Variants in SCHIP1 observed in about 807,000 individuals in gnomAD.
The protein encoded by SCHIP1 is schwannomin interacting protein 1, also known as schwannomin-interacting protein 1.
In SCHIP1, 8 loss-of-function variants were observed where a neutral mutation model predicts 29.7. That is an observed-to-expected ratio of 0.27 (90% CI 0.16 to 0.49). The LOEUF is 0.49. Ranked by LOEUF, SCHIP1 falls within the 20% of genes least tolerant of loss-of-function variation. The pLI is 0.99. For missense variants in SCHIP1, 193 were observed against 294.6 expected (o/e 0.66, Z 2.52); for synonymous variants, 76 against 94.9 (o/e 0.80, Z 1.16).
At chr3:159,792,445 T>C in the SCHIP1 span, among the ~76,000 whole-genome samples, 1 of 152,256 alleles carries the variant, frequency 6.6e-6, no homozygotes, top group Non-Finnish European at 1.5e-5. Context: ...TTGACAATTG[T>C]CTGGAACATA....
the SCHIP1 span, among the ~76,000 whole-genome samples, chr3:159,329,304 C>T: frequency 7.2e-5 from 11 of 152,162 alleles, no homozygotes; most frequent in Non-Finnish European, 1.5e-4. Context: ...ATCAACTAAC[C>T]TGTGGGACAG....
the SCHIP1 span, among the ~76,000 whole-genome samples, chr3:159,797,576 CTTT>C: frequency 1.4e-5 from 2 of 145,330 alleles, no homozygotes; most frequent in Admixed American, 6.9e-5. Flanking sequence ...ATTTAAAGAT[CTTT>C]TTTTTTTTTT....
chr3:159,756,344 G>C, the SCHIP1 span, among the ~76,000 whole-genome samples: 1 of 152,216 alleles, frequency 6.6e-6, no homozygotes, highest in Non-Finnish European at 1.5e-5. Flanking sequence ...AAGGCTTGGG[G>C]CTTGCACCCT....
the SCHIP1 span, among the ~76,000 whole-genome samples, chr3:159,607,697 C>A: frequency 4.9e-3 from 751 of 152,220 alleles, 4 homozygotes; most frequent in Non-Finnish European, 8.0e-3. Context: ...GACTGAGCAA[C>A]ATGAGGTGCA....
At chr3:159,430,466 G>T in the SCHIP1 span, among the ~76,000 whole-genome samples, 2 of 152,072 alleles carry the variant, frequency 1.3e-5, no homozygotes, top group African/African-American at 4.8e-5. Context: ...TTCTGCTCTG[G>T]TTCTATGCTC....
chr3:159,313,672 A>G, the SCHIP1 span, among the ~76,000 whole-genome samples: 2 of 152,190 alleles, frequency 1.3e-5, no homozygotes, highest in Non-Finnish European at 2.9e-5. Flanking sequence ...CTGGCATAAT[A>G]TAACTGACCA....
the SCHIP1 span, among the ~76,000 whole-genome samples, chr3:159,474,532 C>T: frequency 1.5e-4 from 23 of 152,174 alleles, no homozygotes; most frequent in South Asian, 3.9e-3. Context: ...CTTATTATTT[C>T]AAAATCTCTC....
the SCHIP1 span, among the ~76,000 whole-genome samples, chr3:159,803,712 G>A: frequency 2.6e-5 from 4 of 152,302 alleles, no homozygotes; most frequent in African/African-American, 9.6e-5. Context: ...TGCACCCAGG[G>A]AAGTGTATGT....
chr3:159,746,869 AC>A, the SCHIP1 span, among the ~76,000 whole-genome samples: 1 of 152,162 alleles, frequency 6.6e-6, no homozygotes, highest in Non-Finnish European at 1.5e-5. Context: ...AACTTCAGCA[AC>A]TTTTGATTAT....
the SCHIP1 span, among the ~76,000 whole-genome samples, chr3:159,427,632 T>C: frequency 1.8e-4 from 27 of 150,244 alleles, no homozygotes; most frequent in African/African-American, 5.4e-4. Flanking sequence ...AGGTAATTTA[T>C]AGATTCAATG....
the SCHIP1 span, among the ~76,000 whole-genome samples, chr3:159,604,550 G>A: frequency 3.3e-5 from 5 of 152,210 alleles, no homozygotes; most frequent in African/African-American, 4.8e-5. Flanking sequence ...GAAGGCAGAT[G>A]ACAGTGGCCT....
At chr3:159,769,266 C>T in the SCHIP1 span, among the ~76,000 whole-genome samples, 1 of 130,168 alleles carries the variant, frequency 7.7e-6, no homozygotes. Flanking sequence ...GCTCTGTGGA[C>T]CTGTTGCCAA....
chr3:159,464,926 G>GT, the SCHIP1 span, among the ~76,000 whole-genome samples: 4 of 152,176 alleles, frequency 2.6e-5, no homozygotes, highest in East Asian at 5.8e-4. Context: ...TAGAACTACA[G>GT]TTTTTTATGG....
the SCHIP1 span, among the ~76,000 whole-genome samples, chr3:159,586,762 C>A: frequency 6.6e-6 from 1 of 152,132 alleles, no homozygotes; most frequent in Non-Finnish European, 1.5e-5. Flanking sequence ...GACCCCATGG[C>A]TGCTGCCCTC....
the SCHIP1 span, among the ~76,000 whole-genome samples, chr3:159,659,956 A>G: frequency 6.6e-6 from 1 of 152,160 alleles, no homozygotes; most frequent in Non-Finnish European, 1.5e-5. Flanking sequence ...TTGGAGGGTT[A>G]ATAGAAGTTC....
At chr3:159,856,464 G>C (rs954879192) in intron 1 of SCHIP1, among the ~76,000 whole-genome samples, 1 of 152,062 alleles carries the variant, frequency 6.6e-6, no homozygotes, top group Admixed American at 6.5e-5. Flanking sequence ...TACATTCTTG[G>C]GGCAGGGAAA....
chr3:159,828,443 ATATATATACG>A, the SCHIP1 span, among the ~76,000 whole-genome samples: 9 of 100,480 alleles, frequency 9.0e-5, no homozygotes, highest in African/African-American at 2.4e-4. Context: ...ATATATACGT[ATATATATACG>A]TATATATATG....
At chr3:159,512,597 A>G in the SCHIP1 span, among the ~76,000 whole-genome samples, 2 of 152,218 alleles carry the variant, frequency 1.3e-5, no homozygotes, top group Non-Finnish European at 2.9e-5. Context: ...GTAGGTGTAT[A>G]TATTTATGAG....
the SCHIP1 span, chr3:159,398,822 G>A: frequency 5.2e-6 from 1 of 190,504 alleles, no homozygotes; most frequent in East Asian, 1.9e-4. Context: ...GAAAGGACAG[G>A]TTTGGAGGGG....
Sources: gnomAD v4.1 joint callset for allele counts (sites outside exome capture counted in the v4.1 genomes callset) on GRCh38, gnomAD v4.1.1 for gene constraint, MANE v1.5 for transcripts, NCBI Gene and HGNC (gene_info 2026-07-23, HGNC 2026-07-21) for gene names.